Variants in DPP10 observed in about 807,000 individuals in gnomAD.
DPP10 encodes inactive dipeptidyl peptidase 10.
A neutral mutation model predicts 120.9 loss-of-function variants in DPP10; 33 were observed. The observed-to-expected ratio is 0.27, with a 90% CI of 0.21 to 0.37. The LOEUF (loss-of-function observed/expected upper bound fraction) is 0.37. Among genes scored for constraint, DPP10 ranks in the 10% least tolerant of loss-of-function variants. The pLI is 1.00. For missense variants in DPP10, 816 were observed against 942.8 expected (o/e 0.87, Z 1.76); for synonymous variants, 337 against 326.1 (o/e 1.03, Z -0.36).
At chr2:115,523,579 A>G (rs2077951404) in intron 4 of DPP10, among the ~76,000 whole-genome samples, 1 of 152,102 alleles carries the variant, frequency 6.6e-6, no homozygotes, top group South Asian at 2.1e-4. Context: ...TTGCCCTATC[A>G]GTCTTTACAT....
Position 115,276,327 on chromosome 2 carries a change from C to G in DPP10, c.61-32912C>G, listed in dbSNP as rs1160568270. Among the ~76,000 whole-genome samples, 4 of 152,004 alleles carry G rather than the reference C, an allele frequency of 2.6e-5. No individual in the cohort carries two copies. The East Asian group carries it at 7.7e-4, about 29-fold the overall frequency. On this transcript the variant is annotated intron_variant, in intron 1 of 25. Transcript: ENST00000410059. ...AGTCAAAAGGATAATTTGTAAATAGCCTGTAGAGAATCAAAGGCCAGAATA... is the reference window on the plus strand; with the variant it reads ...AGTCAAAAGGATAATTTGTAAATAGGCTGTAGAGAATCAAAGGCCAGAATA...
At chr2:115,688,699 A>G (rs1308512405) in intron 5 of DPP10, among the ~76,000 whole-genome samples, 3 of 152,108 alleles carry the variant, frequency 2.0e-5, no homozygotes, top group East Asian at 1.9e-4. Flanking sequence ...CTATTTCATC[A>G]TCTCATTATT....
intron 3 of DPP10, among the ~76,000 whole-genome samples, chr2:115,438,567 G>A (rs1398066509): frequency 1.3e-5 from 2 of 152,176 alleles, no homozygotes; most frequent in East Asian, 3.8e-4. Context: ...TAGCCTTAAA[G>A]AGGAAGGAAA....
chr2:115,205,144 A>C lies in DPP10; in HGVS notation c.61-104095A>C, dbSNP rs181127532. 3.9e-5 allele frequency among the ~76,000 whole-genome samples: 6 copies of C among 152,158 alleles called. No homozygotes were observed. The East Asian group carries it at 1.2e-3, about 29-fold the overall frequency. ...ATTTTTGTTGCAGTTGAATTTGGGGACTTAGTCATAGATTCTTTGCCAAGG... is the reference window on the plus strand; with the variant it reads ...ATTTTTGTTGCAGTTGAATTTGGGGCCTTAGTCATAGATTCTTTGCCAAGG... On this transcript the variant is annotated intron_variant, in intron 1 of 25. Transcript: ENST00000410059.
chr2:114,622,866 T>C (rs1434152456), intron 1 of DPP10, among the ~76,000 whole-genome samples: 1 of 152,090 alleles, frequency 6.6e-6, no homozygotes, highest in Non-Finnish European at 1.5e-5. Context: ...GCTTGCCTGG[T>C]CATGCATAAA....
At chr2:114,484,690 T>G (rs1280305240) in intron 1 of DPP10, among the ~76,000 whole-genome samples, 1 of 152,124 alleles carries the variant, frequency 6.6e-6, no homozygotes, top group Non-Finnish European at 1.5e-5. Context: ...ACACCAGAAC[T>G]CTTCAACAGG....
intron 2 of DPP10, among the ~76,000 whole-genome samples, chr2:115,336,502 C>T (rs944994934): frequency 9.9e-5 from 15 of 151,820 alleles, no homozygotes; most frequent in African/African-American, 3.6e-4. Flanking sequence ...CAAATATTTA[C>T]ACTTTTAATA....
chr2:115,050,425 T>C (rs1375382913), intron 1 of DPP10, among the ~76,000 whole-genome samples: 1 of 152,088 alleles, frequency 6.6e-6, no homozygotes, highest in Non-Finnish European at 1.5e-5. Flanking sequence ...AAGCTAAAAG[T>C]GCTTGCCTTA....
intron 7 of DPP10, among the ~76,000 whole-genome samples, chr2:115,707,458 A>ACG (rs1559055513): frequency 1.1e-4 from 17 of 148,716 alleles, no homozygotes; most frequent in African/African-American, 4.3e-4. Context: ...ACACACACAC[A>ACG]CACACTCTCT....
intron 1 of DPP10, among the ~76,000 whole-genome samples, chr2:115,024,583 A>T (rs550910471): frequency 6.6e-6 from 1 of 151,394 alleles, no homozygotes; most frequent in African/African-American, 2.4e-5. Context: ...TATAATGTAT[A>T]AAGATCAAAT....
At chr2:114,881,697 G>A (rs368712343) in intron 1 of DPP10, among the ~76,000 whole-genome samples, 1 of 151,894 alleles carries the variant, frequency 6.6e-6, no homozygotes, top group African/African-American at 2.4e-5. Context: ...AAGACCTGAG[G>A]AATAATTATG....
chr2:114,829,552 T>A (rs1311914763), intron 1 of DPP10, among the ~76,000 whole-genome samples: 1 of 149,944 alleles, frequency 6.7e-6, no homozygotes, highest in Non-Finnish European at 1.5e-5. Context: ...TTTTTTTGTA[T>A]TTTTGGTAGA....
chr2:115,556,056 A>C (rs1457630168), intron 5 of DPP10, among the ~76,000 whole-genome samples: 1 of 152,132 alleles, frequency 6.6e-6, no homozygotes, highest in Non-Finnish European at 1.5e-5. Flanking sequence ...ATAATTTTTG[A>C]AATAGGAAAA....
At chr2:114,664,688 G>A (rs1221316911) in intron 1 of DPP10, among the ~76,000 whole-genome samples, 1 of 150,420 alleles carries the variant, frequency 6.6e-6, no homozygotes, top group African/African-American at 2.4e-5. Flanking sequence ...GCCACGAGTA[G>A]CCACAGGCAC....
chr2:114,585,042 C>T (rs1690837821), intron 1 of DPP10, among the ~76,000 whole-genome samples: 1 of 152,198 alleles, frequency 6.6e-6, no homozygotes, highest in African/African-American at 2.4e-5. Context: ...TTACCACACA[C>T]TTAACTTTAA....
intron 21 of DPP10, among the ~76,000 whole-genome samples, chr2:115,833,398 T>C (rs755361398): frequency 1.1e-4 from 17 of 152,164 alleles, no homozygotes; most frequent in Non-Finnish European, 2.5e-4. Flanking sequence ...CGGGAAATAC[T>C]TGAAATCTCT....
At chr2:115,677,653 G>A (rs1032137192) in intron 5 of DPP10, among the ~76,000 whole-genome samples, 10 of 152,054 alleles carry the variant, frequency 6.6e-5, no homozygotes, top group African/African-American at 2.4e-4. Flanking sequence ...TAGACTTTAA[G>A]TAACAAAAAA....
intron 1 of DPP10, among the ~76,000 whole-genome samples, chr2:114,488,856 G>T (rs757736691): frequency 2.0e-5 from 3 of 152,050 alleles, no homozygotes; most frequent in South Asian, 2.1e-4. Context: ...CTGTGTCAAG[G>T]CTGATTTATC....
At chr2:114,808,571 C>A (rs954183853) in intron 1 of DPP10, among the ~76,000 whole-genome samples, 2 of 149,718 alleles carry the variant, frequency 1.3e-5, no homozygotes, top group Non-Finnish European at 3.0e-5. Context: ...GCTTAATGTC[C>A]CTTGGAAATT....
Sources: gnomAD v4.1 joint callset for allele counts (sites outside exome capture counted in the v4.1 genomes callset) on GRCh38, gnomAD v4.1.1 for gene constraint, MANE v1.5 for transcripts, NCBI Gene and HGNC (gene_info 2026-07-23, HGNC 2026-07-21) for gene names.